The following LRMDA variants were observed in gnomAD, a reference collection of about 807,000 sequenced individuals.
LRMDA encodes the protein leucine rich melanocyte differentiation associated.
Under a neutral mutation model 29.8 loss-of-function variants are expected in LRMDA, and 18 were observed. The observed-to-expected ratio is 0.60, with a 90% CI of 0.42 to 0.90. LRMDA has a LOEUF of 0.90. LRMDA is among the 40% of genes least tolerant of loss of function. The probability of loss-of-function intolerance (pLI) is 0.00; values close to 1 mark genes in which losing one functional copy is unlikely to be tolerated. For synonymous variants in LRMDA, 125 were observed against 109.4 expected (o/e 1.14, Z -0.89); for missense variants, 273 against 273.9 (o/e 1.00, Z 0.02).
At chr10:75,753,719 G>T (rs77337375) in intron 2 of LRMDA, among the ~76,000 whole-genome samples, 1,650 of 152,266 alleles carry the variant, frequency 0.011, 37 homozygotes, top group African/African-American at 0.035. Flanking sequence ...GAGTTTTAAG[G>T]AACTGGATAA....
chr10:76,553,839 T>G, intron 6 of LRMDA, among the ~76,000 whole-genome samples: 1 of 152,026 alleles, frequency 6.6e-6, no homozygotes, highest in Non-Finnish European at 1.5e-5. Context: ...CCAGAGCACC[T>G]TTCTCCCCGG....
chr10:76,286,136 G>A (rs1339958613), intron 5 of LRMDA, among the ~76,000 whole-genome samples: 1 of 152,118 alleles, frequency 6.6e-6, no homozygotes, highest in Non-Finnish European at 1.5e-5. Context: ...ATTTTCTGAT[G>A]CCAGTTCTTC....
chr10:76,240,439 T>C (rs866958922), intron 5 of LRMDA, among the ~76,000 whole-genome samples: 3 of 148,252 alleles, frequency 2.0e-5, no homozygotes, highest in South Asian at 4.2e-4. Flanking sequence ...ATGTTATATA[T>C]AATATATACA....
intron 2 of LRMDA, among the ~76,000 whole-genome samples, chr10:75,889,833 A>T (rs1312281135): frequency 6.6e-6 from 1 of 152,246 alleles, no homozygotes; most frequent in East Asian, 1.9e-4. Flanking sequence ...TGATATGGTT[A>T]TGTTTAATTA....
At chr10:76,369,670 G>T (rs1257782404) in intron 6 of LRMDA, among the ~76,000 whole-genome samples, 2 of 152,072 alleles carry the variant, frequency 1.3e-5, no homozygotes, top group Non-Finnish European at 2.9e-5. Context: ...TTGCAAGGCC[G>T]GGAGAGTTTG....
chr10:75,790,086 A>C (rs1843539795), intron 2 of LRMDA, among the ~76,000 whole-genome samples: 1 of 152,130 alleles, frequency 6.6e-6, no homozygotes, highest in African/African-American at 2.4e-5. Flanking sequence ...ACAATGAAAG[A>C]ATTATTTTAA....
chr10:76,367,739 C>T (rs766503479), intron 6 of LRMDA, among the ~76,000 whole-genome samples: 22 of 152,070 alleles, frequency 1.4e-4, no homozygotes, highest in East Asian at 3.9e-4. Flanking sequence ...TGAGCCACCG[C>T]GCCTGGCTGG....
chr10:75,872,827 G>A (rs978348771), intron 2 of LRMDA, among the ~76,000 whole-genome samples: 3 of 151,776 alleles, frequency 2.0e-5, no homozygotes, highest in Non-Finnish European at 2.9e-5. Flanking sequence ...TGCAACACAC[G>A]CCTGTTATAC....
chr10:75,661,612 AT>A (rs1475114514), intron 2 of LRMDA, among the ~76,000 whole-genome samples: 2 of 151,996 alleles, frequency 1.3e-5, no homozygotes, highest in Admixed American at 6.6e-5. Context: ...AGATATATAT[AT>A]TTTTTTCTTT....
intron 5 of LRMDA, among the ~76,000 whole-genome samples, chr10:76,234,951 C>A (rs1369547365): frequency 2.0e-5 from 3 of 152,236 alleles, no homozygotes; most frequent in Admixed American, 2.0e-4. Context: ...CACTTTTAAT[C>A]TCCTTCAAGA....
intron 6 of LRMDA, among the ~76,000 whole-genome samples, chr10:76,485,231 T>A (rs1258661971): frequency 6.6e-6 from 1 of 151,880 alleles, no homozygotes; most frequent in Non-Finnish European, 1.5e-5. Context: ...TTTTTCTGCC[T>A]GCCCTATTTT....
At chr10:75,619,344 T>C (rs903574273) in intron 2 of LRMDA, among the ~76,000 whole-genome samples, 2 of 152,190 alleles carry the variant, frequency 1.3e-5, no homozygotes, top group African/African-American at 4.8e-5. Context: ...TGTTCCTTTG[T>C]GTATCTGCTG....
chr10:76,517,362 C>T (rs779640195), intron 6 of LRMDA, among the ~76,000 whole-genome samples: 8 of 151,996 alleles, frequency 5.3e-5, no homozygotes, highest in Non-Finnish European at 1.0e-4. Context: ...CAAAAGTTAC[C>T]TATAAAGAAA....
chr10:76,455,460 A>T (rs1842447687), intron 6 of LRMDA, among the ~76,000 whole-genome samples: 1 of 152,144 alleles, frequency 6.6e-6, no homozygotes, highest in Admixed American at 6.5e-5. Context: ...AGACTTTGAT[A>T]TTAGCCAGGG....
chr10:76,420,270 G>A (rs933607382), intron 6 of LRMDA, among the ~76,000 whole-genome samples: 1 of 151,662 alleles, frequency 6.6e-6, no homozygotes, highest in African/African-American at 2.4e-5. Context: ...TATTATACCT[G>A]TTTTGTTGTA....
chr10:75,859,600 T>TACACACAC (rs71024575), intron 2 of LRMDA, among the ~76,000 whole-genome samples: 3,830 of 77,288 alleles, frequency 0.05, 89 homozygotes, highest in East Asian at 0.099. Flanking sequence ...ATTCAGGGCA[T>TACACACAC]ACACACACAC....
At chr10:75,541,193 A>G (rs1298510322) in intron 2 of LRMDA, among the ~76,000 whole-genome samples, 1 of 152,124 alleles carries the variant, frequency 6.6e-6, no homozygotes, top group Admixed American at 6.6e-5. Context: ...CCAGGGCCTT[A>G]TGAGATACTT....
chr10:76,183,964 GC>G (rs1851098796), intron 5 of LRMDA, among the ~76,000 whole-genome samples: 2 of 151,844 alleles, frequency 1.3e-5, no homozygotes, highest in Admixed American at 6.5e-5. Context: ...CTCAAGTGAT[GC>G]TCCACCTTGG....
intron 6 of LRMDA, among the ~76,000 whole-genome samples, chr10:76,335,161 A>G (rs2132412036): frequency 6.6e-6 from 1 of 152,348 alleles, no homozygotes; most frequent in South Asian, 2.1e-4. Context: ...CAAGAATTAG[A>G]TATGATTATT....
Sources: gnomAD v4.1 joint callset for allele counts (sites outside exome capture counted in the v4.1 genomes callset) on GRCh38, gnomAD v4.1.1 for gene constraint, MANE v1.5 for transcripts, NCBI Gene and HGNC (gene_info 2026-07-23, HGNC 2026-07-21) for gene names.